TAF1: variants seen among roughly 807,000 people sequenced by gnomAD.
The protein encoded by TAF1 is transcription initiation factor TFIID subunit 1.
TAF1 carries 2 observed loss-of-function variants against 138.5 expected under a neutral mutation model. The ratio of observed to expected loss-of-function variants is 0.01; its 90% CI spans 0.01 to 0.05. The LOEUF is 0.05. Ranked by LOEUF, TAF1 falls within the 10% of genes least tolerant of loss-of-function variation. The probability of loss-of-function intolerance (pLI) is 1.00; values close to 1 mark genes in which losing one functional copy is unlikely to be tolerated. For missense variants in TAF1, 709 were observed against 1,478.0 expected, an observed-to-expected ratio of 0.48 and a Z score of 8.53; for synonymous variants, 437 against 503.2, an observed-to-expected ratio of 0.87 and a Z score of 1.76.
intron 28 of TAF1, among the ~76,000 whole-genome samples, chrX:71,420,981 G>A (rs1416772632): frequency 1.8e-5 from 2 of 112,601 alleles, no homozygotes; most frequent in African/African-American, 6.5e-5. Context: ...GCCCGCTGCC[G>A]CCTGCTCACT....
Position 71,454,171 on chromosome X carries a change from A to T in TAF1, c.4755A>T (p.Gly1585=). ...LILANSVKYN[G]PESQYTKTAQ... ...GGCACTTTCTTATTTTATTTATAGG[A>T]CCTGAGAGTCAGTATACTAAGACTG... The change falls in exon 33 of 38, where the codon GGA becomes GGT. Residue 1585 remains glycine, a splice_region_variant and synonymous_variant. Coordinates refer to ENST00000423759, the MANE Select transcript of TAF1 (RefSeq NM_004606.5). The T allele has an allele frequency of 8.3e-7, 1 of 1,206,278 alleles. No individual in the cohort carries two copies. The highest frequency in any genetic ancestry group is 1.7e-5 in the African/African-American group (1 of 57,666).
chrX:71,464,430 C>T lies in TAF1; in HGVS notation c.*384C>T, dbSNP rs1020577631. ...ATGTATTAGGAAATTTCCGGCCAGG[C>T]GTGGTGGCTCACACCTGTAATCTCA... On this transcript the variant is annotated 3_prime_UTR_variant, in exon 38 of 38. Transcript: ENST00000423759. 18 of 332,032 alleles carry T rather than the reference C, an allele frequency of 5.4e-5. No homozygotes were observed. Among genetic ancestry groups the T allele is most frequent in the East Asian group, 1.3e-4 (3 of 22,370 alleles). 27.4% of individuals were successfully genotyped at this position (332,032 alleles called of 1,213,427 possible). A position where few individuals can be genotyped will look rare whatever the true frequency, so the allele number is the denominator to read the frequency against.
At chrX:71,447,092 G>C (rs185636137) in intron 32 of TAF1, among the ~76,000 whole-genome samples, 22 of 111,397 alleles carry the variant, frequency 2.0e-4, no homozygotes, top group Non-Finnish European at 3.0e-4. Flanking sequence ...TAGGAATTTA[G>C]TATGCAGATT....
chrX:71,378,109 C>T (rs1477971897), intron 6 of TAF1, 126 bp from the exon 7 acceptor site: 1 of 701,889 alleles, frequency 1.4e-6, no homozygotes, highest in African/African-American at 2.2e-5. Flanking sequence ...CCATTGTTTA[C>T]ATTCTAACTC....
intron 27 of TAF1, 131 bp from the exon 28 acceptor site, chrX:71,407,843 C>T (rs2035555575): frequency 4.0e-6 from 4 of 988,091 alleles, no homozygotes; most frequent in Non-Finnish European, 5.5e-6. Flanking sequence ...GTAGAGGAAA[C>T]AGACGTGCTC....
At chrX:71,434,395 ACT>A (rs748714732) in intron 32 of TAF1, among the ~76,000 whole-genome samples, 3 of 112,322 alleles carry the variant, frequency 2.7e-5, no homozygotes, top group African/African-American at 9.7e-5. Context: ...CATTATTTTG[ACT>A]CTGCATATTC....
intron 27 of TAF1, 105 bp from the exon 28 acceptor site, chrX:71,407,869 C>A: frequency 3.8e-6 from 4 of 1,059,162 alleles, no homozygotes; most frequent in Non-Finnish European, 5.1e-6. Context: ...AGAAAGATTC[C>A]TTTCAGTGTT....
intron 21 of TAF1, 37 bp downstream of exon 21, chrX:71,393,513 A>G: frequency 8.6e-7 from 1 of 1,161,164 alleles, no homozygotes; most frequent in Non-Finnish European, 1.1e-6. Context: ...TCCAAGCTGG[A>G]AAGGGGGAGG....
chrX:71,460,575 A>C (rs2038507555), intron 36 of TAF1, 51 bp from the exon 37 acceptor site: 5 of 1,183,136 alleles, frequency 4.2e-6, no homozygotes, highest in Middle Eastern at 4.7e-4. Context: ...AGATCAAGTT[A>C]AATCTGTCAA....
chrX:71,388,712 A>G (rs773974460), intron 16 of TAF1, 26 bp from the exon 17 acceptor site: 1 of 1,210,942 alleles, frequency 8.3e-7, no homozygotes. Context: ...GAATGGTCTC[A>G]TTCTCTATGT....
chrX:71,456,146 A>G lies in TAF1; in HGVS notation c.4938+1289A>G, dbSNP rs150156634. 2.2e-4 allele frequency among the ~76,000 whole-genome samples: 24 copies of G among 111,560 alleles called. No homozygotes were observed. In the East Asian group the frequency reaches 3.9e-3, roughly 18 times the overall value. ...AGTTAAAGCCTGGGTATTAGCCATC[A>G]TTCCCCAGGAGAGTCTAGCCATTGA... On this transcript the variant is annotated intron_variant, in intron 34 of 37. Transcript: ENST00000423759.
chrX:71,456,649 C>CTTTTTTTTTTTTTTTTTTGTTTTTT (rs2038300693), intron 34 of TAF1, among the ~76,000 whole-genome samples: 1 of 26,815 alleles, frequency 3.7e-5, no homozygotes, highest in Non-Finnish European at 6.3e-5. Flanking sequence ...AATGTATTTT[C>CTTTTTTTTTTTTTTTTTTGTTTTTT]TTTTTTTTTT....
chrX:71,454,934 G>C (rs1013624361), intron 34 of TAF1, 77 bp downstream of exon 34: 1 of 1,189,528 alleles, frequency 8.4e-7, no homozygotes, highest in African/African-American at 1.8e-5. Flanking sequence ...TAACAAATCC[G>C]TTTACTGAGA....
intron 13 of TAF1, among the ~76,000 whole-genome samples, chrX:71,478,075 A>G (rs778775040): frequency 9.0e-6 from 1 of 111,353 alleles, no homozygotes; most frequent in Non-Finnish European, 1.9e-5. Flanking sequence ...TCCAATTCAT[A>G]TAACTGATAA....
At chrX:71,512,510 T>C (rs2039750911) in intron 13 of TAF1, among the ~76,000 whole-genome samples, 1 of 110,832 alleles carries the variant, frequency 9.0e-6, no homozygotes, top group Non-Finnish European at 1.9e-5. Flanking sequence ...CAAATAGGAA[T>C]GGTCAGAAGT....
intron 32 of TAF1, among the ~76,000 whole-genome samples, chrX:71,424,561 T>G (rs2036509403): frequency 9.1e-6 from 1 of 109,567 alleles, no homozygotes; most frequent in Non-Finnish European, 1.9e-5. Context: ...TTATTAAAAT[T>G]TATGTGCGTA....
intron 13 of TAF1, among the ~76,000 whole-genome samples, chrX:71,495,540 C>T (rs756968253): frequency 1.9e-3 from 218 of 111,932 alleles, no homozygotes; most frequent in Non-Finnish European, 3.5e-3. Context: ...GTAAAAACAA[C>T]ACTCTTCCCC....
intron 13 of TAF1, among the ~76,000 whole-genome samples, chrX:71,526,700 TTC>T (rs1345657988): frequency 1.8e-5 from 2 of 111,428 alleles, no homozygotes; most frequent in African/African-American, 6.5e-5. Flanking sequence ...TATATGTAAA[TTC>T]TGTGTTTTAT....
At chrX:71,522,818 CTTTCT>C (rs1392500139) in intron 13 of TAF1, among the ~76,000 whole-genome samples, 1 of 79,829 alleles carries the variant, frequency 1.3e-5, no homozygotes, top group Non-Finnish European at 2.4e-5. Flanking sequence ...TGCCTGTTTT[CTTTCT>C]TTTCTTTTTT....
Sources: allele counts gnomAD v4.1 joint callset (sites outside exome capture counted in the v4.1 genomes callset), GRCh38; gene constraint gnomAD v4.1.1; transcripts MANE v1.5; gene names NCBI Gene and HGNC (gene_info 2026-07-23, HGNC 2026-07-21).